SMYD3: variants seen among roughly 807,000 people sequenced by gnomAD.
The protein encoded by SMYD3 is histone-lysine N-methyltransferase SMYD3.
A neutral mutation model predicts 57.7 loss-of-function variants in SMYD3; 36 were observed. The ratio of observed to expected loss-of-function variants is 0.62; its 90% confidence interval spans 0.48 to 0.82. The LOEUF (loss-of-function observed/expected upper bound fraction) is 0.82, where lower values mean the gene tolerates loss of function less well. Among genes scored for constraint, SMYD3 ranks in the 40% least tolerant of loss-of-function variants. The probability of loss-of-function intolerance (pLI) is 0.00; values close to 1 mark genes in which losing one functional copy is unlikely to be tolerated. For synonymous variants in SMYD3, 211 were observed against 195.0 expected (o/e 1.08, Z -0.68); for missense variants, 515 against 538.8 (o/e 0.96, Z 0.44).
At chr1:246,183,192 C>A (rs771204199) in intron 5 of SMYD3, among the ~76,000 whole-genome samples, 17 of 152,074 alleles carry the variant, frequency 1.1e-4, no homozygotes, top group Non-Finnish European at 1.8e-4. Flanking sequence ...GAAGTCTGTA[C>A]AAGCCCAGGG....
At chr1:246,064,505 A>G in intron 5 of SMYD3, among the ~76,000 whole-genome samples, 1 of 152,152 alleles carries the variant, frequency 6.6e-6, no homozygotes, top group East Asian at 1.9e-4. Context: ...CTGAGGCACC[A>G]ACACAAATCT....
intron 10 of SMYD3, among the ~76,000 whole-genome samples, chr1:245,837,557 C>G (rs569732759): frequency 4.1e-4 from 63 of 152,272 alleles, no homozygotes; most frequent in African/African-American, 1.5e-3. Context: ...AGAAAAGAAG[C>G]CTCTGCAACC....
intron 10 of SMYD3, among the ~76,000 whole-genome samples, chr1:245,786,217 G>GGC (rs369525926): frequency 7.4e-5 from 11 of 148,238 alleles, no homozygotes; most frequent in Admixed American, 4.1e-4. Context: ...TGTGGACGGG[G>GGC]GGGGGATGGT....
intron 5 of SMYD3, among the ~76,000 whole-genome samples, chr1:246,270,517 C>T (rs1262431680): frequency 6.6e-6 from 1 of 152,190 alleles, no homozygotes; most frequent in Non-Finnish European, 1.5e-5. Flanking sequence ...ATTCTACTTT[C>T]TGGCTCTAAG....
intron 5 of SMYD3, among the ~76,000 whole-genome samples, chr1:246,300,529 G>C (rs935647844): frequency 6.6e-6 from 1 of 152,104 alleles, no homozygotes; most frequent in Non-Finnish European, 1.5e-5. Flanking sequence ...GATCTTTGTG[G>C]TGGTGTGGGA....
chr1:246,200,764 A>C (rs1464273897), intron 5 of SMYD3, among the ~76,000 whole-genome samples: 3 of 152,224 alleles, frequency 2.0e-5, no homozygotes, highest in Admixed American at 2.0e-4. Context: ...TTGATTCTCC[A>C]AACAACCTTT....
chr1:245,857,647 G>A (rs1307031679), intron 10 of SMYD3, among the ~76,000 whole-genome samples: 4 of 152,152 alleles, frequency 2.6e-5, no homozygotes, highest in African/African-American at 7.2e-5. Context: ...GTGCTTTCGA[G>A]GTACCTTCCC....
At chr1:245,876,817 T>G (rs183087004) in intron 8 of SMYD3, among the ~76,000 whole-genome samples, 1 of 152,232 alleles carries the variant, frequency 6.6e-6, no homozygotes, top group African/African-American at 2.4e-5. Flanking sequence ...CCGCACGTGA[T>G]AACAGAGAGG....
chr1:246,033,642 C>A (rs1427670234), intron 5 of SMYD3, among the ~76,000 whole-genome samples: 6 of 152,060 alleles, frequency 3.9e-5, no homozygotes, highest in East Asian at 1.9e-4. Flanking sequence ...CAAAAATTAG[C>A]CAGGCGTGGT....
intron 10 of SMYD3, among the ~76,000 whole-genome samples, chr1:245,830,344 C>A (rs964152356): frequency 4.6e-5 from 7 of 152,172 alleles, no homozygotes; most frequent in African/African-American, 1.7e-4. Flanking sequence ...TGGCGGCAGG[C>A]AAGGGAGCTT....
At chr1:246,049,112 G>C (rs1026760284) in intron 5 of SMYD3, among the ~76,000 whole-genome samples, 2 of 152,062 alleles carry the variant, frequency 1.3e-5, no homozygotes, top group African/African-American at 2.4e-5. Flanking sequence ...GCATTTTGAG[G>C]GGAGGAGCAA....
chr1:245,999,483 C>T (rs1418458558), intron 5 of SMYD3, among the ~76,000 whole-genome samples: 1 of 152,016 alleles, frequency 6.6e-6, no homozygotes, highest in East Asian at 1.9e-4. Context: ...CCCAAGATCA[C>T]AGAGCAAGAC....
At position 245,764,056 on chromosome 1, in the gene SMYD3, C is replaced by T. The variant is rs899321147; in HGVS notation, c.1170G>A (p.Met390Ile). 3 of 1,613,568 alleles carry T rather than the reference C, an allele frequency of 1.9e-6. No homozygotes were observed. The highest frequency in any genetic ancestry group is 3.3e-5 in the Admixed American group (2 of 60,002). The change falls in exon 11 of 12, where the codon ATG (methionine) becomes ATA (isoleucine). Residue 390 changes from methionine to isoleucine, a missense_variant. By Grantham distance (10) the Met-to-Ile change is conservative. Coordinates refer to ENST00000490107, the MANE Select transcript of SMYD3 (RefSeq NM_001167740.2). Reference protein sequence around the residue: ...QLHQGMFPQAMKNLRLAFDIM... With the variant: ...QLHQGMFPQAIKNLRLAFDIM... ...GCACACTCACCAGTCTCAGATTCTT[C>T]ATTGCTTGGGGAAACATGCCTTGAT...
intron 5 of SMYD3, among the ~76,000 whole-genome samples, chr1:246,101,639 A>C (rs1321661648): frequency 1.3e-5 from 2 of 152,272 alleles, no homozygotes; most frequent in Non-Finnish European, 2.9e-5. Flanking sequence ...TATGGCATGT[A>C]AATTATGTTC....
At chr1:246,205,831 A>G (rs73147213) in intron 5 of SMYD3, among the ~76,000 whole-genome samples, 1 of 151,866 alleles carries the variant, frequency 6.6e-6, no homozygotes, top group Non-Finnish European at 1.5e-5. Flanking sequence ...AAAACAACAA[A>G]GACAACAACA....
At chr1:246,383,404 G>A (rs2066421242) in intron 1 of SMYD3, among the ~76,000 whole-genome samples, 1 of 152,150 alleles carries the variant, frequency 6.6e-6, no homozygotes, top group Non-Finnish European at 1.5e-5. Flanking sequence ...TTGAGAGACT[G>A]ACTCCACCCC....
chr1:245,891,812 G>T (rs570199272), intron 8 of SMYD3, among the ~76,000 whole-genome samples: 2 of 152,338 alleles, frequency 1.3e-5, no homozygotes, highest in African/African-American at 4.8e-5. Flanking sequence ...GGAGGCAGAG[G>T]CAGGAGGACT....
At chr1:245,917,804 G>A (rs999758145) in intron 7 of SMYD3, among the ~76,000 whole-genome samples, 1 of 152,198 alleles carries the variant, frequency 6.6e-6, no homozygotes, top group South Asian at 2.1e-4. Flanking sequence ...GGGGGGAGAA[G>A]TGAAGACTTT....
chr1:245,970,425 C>G (rs1229750324), intron 5 of SMYD3, among the ~76,000 whole-genome samples: 2 of 152,046 alleles, frequency 1.3e-5, no homozygotes, highest in Non-Finnish European at 2.9e-5. Context: ...TCTAAAACAC[C>G]AAAAGCAATG....
Sources: allele counts gnomAD v4.1 joint callset (sites outside exome capture counted in the v4.1 genomes callset), GRCh38; gene constraint gnomAD v4.1.1; transcripts MANE v1.5; gene names NCBI Gene and HGNC (gene_info 2026-07-23, HGNC 2026-07-21).